Variants in NOX4 observed in about 807,000 individuals in gnomAD.
NOX4 encodes the protein kidney oxidase-1.
In NOX4, 69 loss-of-function variants were observed where a neutral mutation model predicts 87.6. The observed-to-expected ratio is 0.79, with a 90% CI of 0.65 to 0.96. The LOEUF is 0.96. Among genes scored for constraint, NOX4 ranks in the 40% least tolerant of loss-of-function variants. The pLI, the probability that NOX4 is intolerant of heterozygous loss-of-function variation, is 0.00. For missense variants in NOX4, 680 were observed against 681.5 expected (o/e 1.00, Z 0.02); for synonymous variants, 275 against 238.2 (o/e 1.15, Z -1.42).
chr11:89,389,597 C>A (rs933633537), intron 11 of NOX4, among the ~76,000 whole-genome samples: 1 of 152,170 alleles, frequency 6.6e-6, no homozygotes, highest in African/African-American at 2.4e-5. Context: ...AAAGCTTTCA[C>A]ATTACTATAG....
intron 2 of NOX4, among the ~76,000 whole-genome samples, chr11:89,475,594 T>C (rs1368783744): frequency 2.0e-5 from 3 of 152,082 alleles, no homozygotes; most frequent in African/African-American, 7.2e-5. Context: ...AGACTTTTGA[T>C]AACTGAGGAT....
chr11:89,527,498 T>C, the NOX4 span, among the ~76,000 whole-genome samples: 6 of 152,192 alleles, frequency 3.9e-5, no homozygotes, highest in East Asian at 1.2e-3. Flanking sequence ...CCCAGAGGCC[T>C]AGGAGGGAAA....
In NOX4 at chr11:89,458,845, T is replaced by G. The variant is rs566469504; in HGVS notation, c.154-6950A>C. Among the ~76,000 whole-genome samples, 5 of 152,272 alleles carry G rather than the reference T, an allele frequency of 3.3e-5. No individual in the cohort carries two copies. In the South Asian group the frequency reaches 6.2e-4, roughly 19 times the overall value. ...TTGCAGAGAAAAGGGAACACTTACA[T>G]GCTGTTCATGGGAATGTGAATTAGA... is the stretch of plus-strand genomic sequence containing the variant. On this transcript the variant is annotated intron_variant, in intron 2 of 17. Transcript: ENST00000263317.
chr11:89,384,860 C>T (rs1188797244), intron 11 of NOX4, among the ~76,000 whole-genome samples: 2 of 152,138 alleles, frequency 1.3e-5, no homozygotes, highest in South Asian at 2.1e-4. Flanking sequence ...AGATACCACA[C>T]CTGACCCCCA....
chr11:89,512,557 G>A, the NOX4 span, among the ~76,000 whole-genome samples: 1 of 151,942 alleles, frequency 6.6e-6, no homozygotes, highest in Non-Finnish European at 1.5e-5. Context: ...ATTTCACTAA[G>A]CATAACATAC....
intron 8 of NOX4, among the ~76,000 whole-genome samples, chr11:89,409,055 C>T (rs1185354369): frequency 6.6e-6 from 1 of 151,844 alleles, no homozygotes; most frequent in African/African-American, 2.4e-5. Context: ...TTCCTCTGTA[C>T]TTCACGGGTA....
chr11:89,460,760 G>A (rs1945423875), intron 2 of NOX4, among the ~76,000 whole-genome samples: 1 of 152,106 alleles, frequency 6.6e-6, no homozygotes, highest in Admixed American at 6.6e-5. Flanking sequence ...TGATTCCTCA[G>A]GGATCTAGAA....
At chr11:89,471,520 G>GA (rs1170262734) in intron 2 of NOX4, among the ~76,000 whole-genome samples, 9 of 152,134 alleles carry the variant, frequency 5.9e-5, no homozygotes, top group South Asian at 4.1e-4. Flanking sequence ...CAGAAAATTG[G>GA]AAAAAATTTA....
intron 7 of NOX4, among the ~76,000 whole-genome samples, chr11:89,431,307 T>TGTTTTG (rs1943768142): frequency 1.3e-5 from 2 of 152,184 alleles, no homozygotes; most frequent in Non-Finnish European, 2.9e-5. Flanking sequence ...AAGGACTTCA[T>TGTTTTG]GTCTAAAACA....
At position 89,402,382 on chromosome 11, in the gene NOX4, G is replaced by T; in HGVS notation, c.790C>A (p.His264Asn). The change falls in exon 9 of 18, where the codon CAC (histidine) becomes AAC (asparagine). Residue 264 changes from histidine to asparagine, a missense_variant. Transcript: ENST00000263317. ...TCCATACAAATCTTCACAAATTTGT[G>T]CTGGGTAAACTCTGCCGGTTTTGAA... The part of the protein sequence containing the change: ...GFSKPAEFTQ[H>N]KFVKICMEEP... 3.1e-6 allele frequency: 5 copies of T among 1,613,394 alleles called. No homozygotes were observed. In the South Asian group the frequency reaches 3.3e-5, roughly 11 times the overall value.
chr11:89,345,008 T>C (rs1946155170), intron 13 of NOX4, among the ~76,000 whole-genome samples: 2 of 152,170 alleles, frequency 1.3e-5, no homozygotes, highest in Admixed American at 6.6e-5. Flanking sequence ...CAGGAGAGGA[T>C]GGTATGGCAG....
intron 6 of NOX4, among the ~76,000 whole-genome samples, chr11:89,436,593 A>G (rs1944091958): frequency 6.6e-6 from 1 of 152,188 alleles, no homozygotes; most frequent in South Asian, 2.1e-4. Flanking sequence ...TAATTGCATG[A>G]CATTGTAATT....
At chr11:89,559,062 T>C in the NOX4 span, among the ~76,000 whole-genome samples, 1 of 152,122 alleles carries the variant, frequency 6.6e-6, no homozygotes, top group African/African-American at 2.4e-5. Context: ...ATTTTGATTT[T>C]CCATTTGATC....
the NOX4 span, among the ~76,000 whole-genome samples, chr11:89,538,381 G>A: frequency 1.3e-5 from 2 of 152,122 alleles, no homozygotes; most frequent in African/African-American, 4.8e-5. Context: ...TCAAATTTCT[G>A]ACAATCTTCT....
chr11:89,449,563 C>A, intron 3 of NOX4, 39 bp from the exon 4 acceptor site: 1 of 1,503,002 alleles, frequency 6.7e-7, no homozygotes. Flanking sequence ...AATAATGCAA[C>A]AAATGTGATA....
intron 8 of NOX4, 60 bp from the exon 9 acceptor site, chr11:89,402,602 C>A: frequency 1.6e-6 from 2 of 1,266,670 alleles, no homozygotes; most frequent in Non-Finnish European, 2.3e-6. Flanking sequence ...TCAGGGGACA[C>A]GGTAAAAGAA....
At chr11:89,486,983 T>G (rs1475932671) in intron 2 of NOX4, among the ~76,000 whole-genome samples, 1 of 152,030 alleles carries the variant, frequency 6.6e-6, no homozygotes, top group African/African-American at 2.4e-5. Context: ...TCTTTTTCCT[T>G]TTTTTAATGT....
At chr11:89,358,386 C>CAAAAAAAA (rs10558391) in intron 12 of NOX4, among the ~76,000 whole-genome samples, 37 of 78,130 alleles carry the variant, frequency 4.7e-4, no homozygotes, top group African/African-American at 7.3e-4. Flanking sequence ...AACTTAATCT[C>CAAAAAAAA]AAAAAAAAAA....
At chr11:89,558,717 G>T in the NOX4 span, among the ~76,000 whole-genome samples, 4 of 152,132 alleles carry the variant, frequency 2.6e-5, no homozygotes, top group South Asian at 8.3e-4. Context: ...TGGCACAAAT[G>T]GTAAGTCGGT....
Sources: gnomAD v4.1 joint callset for allele counts (sites outside exome capture counted in the v4.1 genomes callset) on GRCh38, gnomAD v4.1.1 for gene constraint, MANE v1.5 for transcripts, NCBI Gene and HGNC (gene_info 2026-07-23, HGNC 2026-07-21) for gene names.